The following PCNX1 variants were observed in gnomAD, a reference collection of about 807,000 sequenced individuals.
The protein encoded by PCNX1 is pecanex-like protein 1.
In PCNX1, 78 loss-of-function variants were observed where a neutral mutation model predicts 242.2. That is an observed-to-expected ratio of 0.32 (90% CI 0.27 to 0.39). PCNX1 has a LOEUF of 0.39. Among genes scored for constraint, PCNX1 ranks in the 10% least tolerant of loss-of-function variants. The probability of loss-of-function intolerance (pLI) is 1.00; values close to 1 mark genes in which losing one functional copy is unlikely to be tolerated. For missense variants in PCNX1, 2,581 were observed against 2,856.5 expected, an observed-to-expected ratio of 0.90 and a Z score of 2.20; for synonymous variants, 1,024 against 1,032.9, an observed-to-expected ratio of 0.99 and a Z score of 0.17.
intron 28 of PCNX1, among the ~76,000 whole-genome samples, chr14:71,084,979 C>T (rs912117101): frequency 2.6e-5 from 4 of 152,158 alleles, no homozygotes; most frequent in African/African-American, 4.8e-5. Flanking sequence ...GGTATAGGCA[C>T]GCGAGGGAAT....
At chr14:71,016,003 G>A (rs571933747) in intron 11 of PCNX1, among the ~76,000 whole-genome samples, 2 of 152,080 alleles carry the variant, frequency 1.3e-5, no homozygotes, top group South Asian at 4.2e-4. Flanking sequence ...AAGCAGCCTG[G>A]GCAACGTAGA....
chr14:70,969,663 TA>T (rs2058482102), intron 5 of PCNX1, among the ~76,000 whole-genome samples: 1 of 152,166 alleles, frequency 6.6e-6, no homozygotes, highest in Non-Finnish European at 1.5e-5. Context: ...TCTAACCCTA[TA>T]TCCCATTCCT....
At chr14:70,948,641 A>C (rs59880130) in intron 2 of PCNX1, among the ~76,000 whole-genome samples, 4,685 of 150,998 alleles carry the variant, frequency 0.031, 216 homozygotes, top group African/African-American at 0.11. Context: ...ATAGTTGTGT[A>C]TATATAGATG....
At position 71,006,093 on chromosome 14, in the gene PCNX1, G is replaced by A. The variant is rs371899657; in HGVS notation, c.2630-3541G>A. ...ACATGCCACCACACCCAGCTAGTAC[G>A]TGTGTGTGTCTGTGTGTGTGTGTGT... On this transcript the variant is annotated intron_variant, in intron 8 of 35. Transcript: ENST00000304743. 2.2e-4 allele frequency among the ~76,000 whole-genome samples: 26 copies of A among 120,214 alleles called. No homozygotes were observed. The South Asian group carries it at 4.4e-3, about 20-fold the overall frequency. The allele number at this position is 120,214 out of a possible 152,430, so 78.9% of individuals were successfully genotyped here.
intron 2 of PCNX1, among the ~76,000 whole-genome samples, chr14:70,952,786 C>T (rs1246332281): frequency 2.0e-5 from 3 of 151,992 alleles, no homozygotes; most frequent in Non-Finnish European, 4.4e-5. Context: ...TTTATGTAAG[C>T]TGGTTTATAG....
intron 24 of PCNX1, among the ~76,000 whole-genome samples, chr14:71,054,228 T>G (rs988976694): frequency 6.6e-6 from 1 of 152,250 alleles, no homozygotes; most frequent in African/African-American, 2.4e-5. Flanking sequence ...TGGGACTATA[T>G]TACATCAAAA....
intron 26 of PCNX1, among the ~76,000 whole-genome samples, chr14:71,068,568 C>G (rs898822605): frequency 9.9e-5 from 14 of 140,802 alleles, no homozygotes; most frequent in South Asian, 2.3e-4. Context: ...GGTTGGTAGA[C>G]TTTTTAGGTT....
intron 7 of PCNX1, among the ~76,000 whole-genome samples, chr14:70,994,411 ATATATATATATATATATATG>A (rs1289145451): frequency 5.2e-5 from 6 of 115,782 alleles, no homozygotes; most frequent in African/African-American, 1.7e-4. Context: ...ATATATATAT[ATATATATATATATATATATG>A]TATGTATGTA....
chr14:71,064,830 A>G (rs1245058886), intron 26 of PCNX1, among the ~76,000 whole-genome samples: 1 of 151,984 alleles, frequency 6.6e-6, no homozygotes, highest in African/African-American at 2.4e-5. Flanking sequence ...ATGTGTTCTC[A>G]CTGTTCGGCT....
At chr14:71,042,337 T>C (rs1313229857) in intron 19 of PCNX1, among the ~76,000 whole-genome samples, 1 of 152,162 alleles carries the variant, frequency 6.6e-6, no homozygotes, top group Admixed American at 6.6e-5. Context: ...GCCTTATGTA[T>C]CTGGGTGCTC....
At chr14:70,950,383 A>G (rs1321429313) in intron 2 of PCNX1, among the ~76,000 whole-genome samples, 1 of 152,146 alleles carries the variant, frequency 6.6e-6, no homozygotes, top group African/African-American at 2.4e-5. Flanking sequence ...ACAGTATCTC[A>G]TTATGCCAAT....
At chr14:71,070,808 G>A (rs896736623) in intron 26 of PCNX1, among the ~76,000 whole-genome samples, 12 of 152,158 alleles carry the variant, frequency 7.9e-5, no homozygotes, top group South Asian at 2.1e-4. Flanking sequence ...TAGCAGCTCC[G>A]TTAGACCCTA....
chr14:71,091,701 C>T (rs963395434), intron 30 of PCNX1, among the ~76,000 whole-genome samples: 2 of 152,126 alleles, frequency 1.3e-5, no homozygotes, highest in African/African-American at 4.8e-5. Flanking sequence ...CTTACAAAAA[C>T]ACAGACTATA....
intron 22 of PCNX1, 168 bp from the exon 23 acceptor site, chr14:71,050,484 T>C (rs946868564): frequency 6.0e-6 from 1 of 166,014 alleles, no homozygotes; most frequent in Non-Finnish European, 1.2e-5. Flanking sequence ...GTGCAGTGTT[T>C]AGGCAGTTGA....
intron 8 of PCNX1, among the ~76,000 whole-genome samples, chr14:70,998,750 CAAAAAAAAA>C (rs34044438): frequency 2.2e-5 from 2 of 89,090 alleles, no homozygotes; most frequent in Admixed American, 1.2e-4. Flanking sequence ...GACCCTATCT[CAAAAAAAAA>C]AAAAAAAAAA....
In PCNX1 at chr14:70,976,662, T is replaced by G. The variant is rs373537191; in HGVS notation, c.605-280T>G. ...TGCTGGGATTACAAGCGTGAGCCACTGCGCCCGGCCCCTTTGTTTCCTCTT... is the reference window on the plus strand; with the variant it reads ...TGCTGGGATTACAAGCGTGAGCCACGGCGCCCGGCCCCTTTGTTTCCTCTT... On this transcript the variant is annotated intron_variant, in intron 5 of 35. Transcript: ENST00000304743. Among the ~76,000 whole-genome samples, 124 of 152,244 alleles carry G rather than the reference T, an allele frequency of 8.1e-4. 5 individuals carry two copies. In the South Asian group the frequency reaches 0.019, roughly 23 times the overall value.
rs1456279757 is a variant in PCNX1 at position 71,105,411 on chromosome 14, C to T, written c.6272C>T (p.Pro2091Leu). 3 of 1,613,774 alleles carry T rather than the reference C, an allele frequency of 1.9e-6. No homozygotes were observed. The African/African-American group carries it at 4.0e-5, about 22-fold the overall frequency. Reference sequence around the variant, plus strand: ...CAGGGATCAGGAACTGGACTCCACCCACCTGTCACATCTTATCCTCCAACA... The same window carrying T: ...CAGGGATCAGGAACTGGACTCCACCTACCTGTCACATCTTATCCTCCAACA... ...PGQGSGTGLHPPVTSYPPTLG... is the reference protein window; with the variant it reads ...PGQGSGTGLHLPVTSYPPTLG... The change falls in exon 33 of 36, where the codon CCA becomes CTA. Residue 2091 changes from proline to leucine, a missense_variant. By Grantham distance (98) the Pro-to-Leu change is moderately conservative. Coordinates refer to ENST00000304743, the MANE Select transcript of PCNX1 (RefSeq NM_014982.3).
intron 19 of PCNX1, among the ~76,000 whole-genome samples, chr14:71,038,898 A>T (rs1256581720): frequency 1.4e-4 from 21 of 151,548 alleles, no homozygotes; most frequent in Non-Finnish European, 2.9e-4. Context: ...AGCCATAAAA[A>T]ATGATGAGTT....
chr14:71,087,105 C>T (rs2141624529), intron 28 of PCNX1, among the ~76,000 whole-genome samples: 1 of 152,280 alleles, frequency 6.6e-6, no homozygotes, highest in East Asian at 1.9e-4. Context: ...ATTTTATCAC[C>T]CGTTGTAACT....
Sources: gnomAD v4.1 joint callset for allele counts (sites outside exome capture counted in the v4.1 genomes callset) on GRCh38, gnomAD v4.1.1 for gene constraint, MANE v1.5 for transcripts, NCBI Gene and HGNC (gene_info 2026-07-23, HGNC 2026-07-21) for gene names.